POSTN: variants seen among roughly 807,000 people sequenced by gnomAD.
POSTN encodes the protein osteoblast specific factor 2 (fasciclin I-like).
POSTN carries 71 observed loss-of-function variants against 104.5 expected under a neutral mutation model. That is an observed-to-expected ratio of 0.68 (90% CI 0.56 to 0.83). The LOEUF (loss-of-function observed/expected upper bound fraction) is 0.83, where lower values mean the gene tolerates loss of function less well. Among genes scored for constraint, POSTN ranks in the 40% least tolerant of loss-of-function variants. The pLI is 0.00. For synonymous variants in POSTN, 355 were observed against 340.7 expected (o/e 1.04, Z -0.46); for missense variants, 949 against 1,006.8 (o/e 0.94, Z 0.78).
intron 4 of POSTN, among the ~76,000 whole-genome samples, chr13:37,588,585 G>A (rs1339941466): frequency 6.6e-6 from 1 of 152,100 alleles, no homozygotes; most frequent in Non-Finnish European, 1.5e-5. Context: ...TGCTTTCAGG[G>A]CTCCAATAAG....
chr13:37,587,784 T>C lies in POSTN; in HGVS notation c.606+38A>G, dbSNP rs962539761. On this transcript the variant is annotated intron_variant, in intron 5 of 22. Transcript: ENST00000379747. ...AAAGTATAGACAAAATTAAAGAAGGTATTTTTCATAAGTGTACTTTTTACT... is the reference window on the plus strand; with the variant it reads ...AAAGTATAGACAAAATTAAAGAAGGCATTTTTCATAAGTGTACTTTTTACT... The C allele has an allele frequency of 4.3e-6, 6 of 1,402,664 alleles. No homozygotes were observed. The African/African-American group carries it at 7.3e-5, about 17-fold the overall frequency. 86.9% of individuals were successfully genotyped at this position (1,402,664 alleles called of 1,614,324 possible). A position where few individuals can be genotyped will look rare whatever the true frequency, so the allele number is the denominator to read the frequency against.
intron 16 of POSTN, 115 bp from the exon 17 acceptor site, chr13:37,574,767 G>T (rs1015626901): frequency 7.6e-7 from 1 of 1,307,508 alleles, no homozygotes; most frequent in Non-Finnish European, 1.0e-6. Context: ...ACAGGATGTG[G>T]TAATATGTTC....
In POSTN at chr13:37,584,703, A is replaced by G; in HGVS notation, c.1108+13T>C. The G allele has an allele frequency of 6.2e-7, 1 of 1,604,834 alleles. No homozygotes were observed. On this transcript the variant is annotated intron_variant, in intron 8 of 22. Transcript: ENST00000379747. ...GTAAAAAAACAAAAACAAAAACAAA[A>G]AAAGTTGCTTACCAGAATCAGGAAT... is the stretch of plus-strand genomic sequence containing the variant.
In POSTN at chr13:37,584,083, C is replaced by G; in HGVS notation, c.1129G>C (p.Ala377Pro). The change falls in exon 9 of 23, where the codon GCT becomes CCT. Residue 377 changes from alanine to proline, a missense_variant. Ala to Pro is a conservative substitution (Grantham distance 27). Transcript: ENST00000379747. ...GTGAAGGTGGTTTGCTGTTTTCCAG[C>G]CAGCTCAATAACTTGTTTGGCTGAA... The part of the protein sequence containing the change: ...PDSAKQVIEL[A>P]GKQQTTFTDL... The G allele has an allele frequency of 1.2e-6, 2 of 1,613,786 alleles. No homozygotes were observed. Among genetic ancestry groups the G allele is most frequent in the South Asian group, 2.2e-5 (2 of 91,024 alleles).
chr13:37,584,679 T>TA (rs778273078), intron 8 of POSTN, 37 bp downstream of exon 8: 15 of 1,533,882 alleles, frequency 9.8e-6, no homozygotes, highest in East Asian at 4.5e-5. Context: ...TTACAGTAAG[T>TA]AAAAAAACAA....
Position 37,580,687 on chromosome 13 carries a change from A to G in POSTN, c.1403T>C (p.Ile468Thr), listed in dbSNP as rs1228948009. 6.2e-7 allele frequency: 1 copy of G among 1,614,096 alleles called. No homozygotes were observed. ...RVFVYRTAVC[I>T]ENSCMEKGSK... ...CCCTTTCTCCATGCATGAATTTTCAATGCAGACAGCCTAGGAAAGGAAAGA... is the reference window on the plus strand; with the variant it reads ...CCCTTTCTCCATGCATGAATTTTCAGTGCAGACAGCCTAGGAAAGGAAAGA... Residue 468 changes from isoleucine to threonine, a missense_variant, in exon 11 of 23, where the codon ATT becomes ACT. Physicochemically the swap from Ile to Thr is moderately conservative, Grantham distance 89. Transcript: ENST00000379747.
chr13:37,590,092 G>A (rs1950882593), intron 4 of POSTN, among the ~76,000 whole-genome samples: 1 of 151,924 alleles, frequency 6.6e-6, no homozygotes, highest in Admixed American at 6.6e-5. Flanking sequence ...CAAACAAACA[G>A]GAAAGAGGAA....
At chr13:37,571,737 G>A (rs1950267849) in intron 17 of POSTN, among the ~76,000 whole-genome samples, 2 of 151,662 alleles carry the variant, frequency 1.3e-5, no homozygotes, top group African/African-American at 2.4e-5. Context: ...TAGTTATAAA[G>A]TATGATTATG....
intron 21 of POSTN, chr13:37,565,506 T>G (rs1950071993): frequency 6.6e-6 from 1 of 152,068 alleles, no homozygotes; most frequent in African/African-American, 2.4e-5. Context: ...GCTGAAATCA[T>G]ATAAAAAGTA....
Position 37,582,417 on chromosome 13 carries a change from T to A in POSTN, c.1341A>T (p.Gln447His). Reference sequence around the variant, plus strand: ...GTTTGCCTCCGATGGTTTCCAGTATTTGCCCGTTGTAAAGCTCATTAAGGC... The same window carrying A: ...GTTTGCCTCCGATGGTTTCCAGTATATGCCCGTTGTAAAGCTCATTAAGGC... ...KVGLNELYNG[Q>H]ILETIGGKQL... The change falls in exon 10 of 23, where the codon CAA becomes CAT. Residue 447 changes from glutamine (Q) to histidine (H), a missense_variant. Gln to His is a conservative substitution (Grantham distance 24). Coordinates refer to ENST00000379747, the MANE Select transcript of POSTN (RefSeq NM_006475.3). 3 of 1,613,960 alleles carry A rather than the reference T, an allele frequency of 1.9e-6. No homozygotes were observed. Among genetic ancestry groups the A allele is most frequent in the Non-Finnish European group, 2.5e-6 (3 of 1,179,932 alleles).
At chr13:37,575,964 T>C (rs1950396344) in intron 16 of POSTN, among the ~76,000 whole-genome samples, 1 of 152,162 alleles carries the variant, frequency 6.6e-6, no homozygotes, top group African/African-American at 2.4e-5. Flanking sequence ...ACTAATTCCT[T>C]TTAGCTTACA....
At chr13:37,568,189 G>A (rs1470357395) in intron 21 of POSTN, among the ~76,000 whole-genome samples, 5 of 151,848 alleles carry the variant, frequency 3.3e-5, no homozygotes, top group East Asian at 1.9e-4. Context: ...TAGAATTCTG[G>A]GAGGAAACTT....
intron 10 of POSTN, 98 bp downstream of exon 10, chr13:37,582,267 AT>A: frequency 1.5e-6 from 2 of 1,356,812 alleles, no homozygotes; most frequent in East Asian, 2.3e-5. Context: ...AATATTTACT[AT>A]TAGAACCACA....
chr13:37,591,318 T>C (rs1173282196), intron 3 of POSTN, among the ~76,000 whole-genome samples: 1 of 152,206 alleles, frequency 6.6e-6, no homozygotes, highest in Non-Finnish European at 1.5e-5. Flanking sequence ...TCAATTTTAA[T>C]TGATTCTAAA....
At chr13:37,575,522 T>C (rs542071339) in intron 16 of POSTN, among the ~76,000 whole-genome samples, 2 of 152,256 alleles carry the variant, frequency 1.3e-5, no homozygotes, top group South Asian at 4.1e-4. Context: ...TTGGTTGTAC[T>C]GATTAACTGG....
At chr13:37,571,811 A>G (rs1950269524) in intron 17 of POSTN, among the ~76,000 whole-genome samples, 1 of 151,692 alleles carries the variant, frequency 6.6e-6, no homozygotes, top group Non-Finnish European at 1.5e-5. Flanking sequence ...TGTTTCTCTG[A>G]TAACTGGTGT....
intron 2 of POSTN, among the ~76,000 whole-genome samples, chr13:37,596,235 A>G (rs1430072102): frequency 1.3e-5 from 2 of 152,162 alleles, no homozygotes; most frequent in Non-Finnish European, 2.9e-5. Flanking sequence ...TTTGATTCTC[A>G]AGGGATCCTT....
In POSTN at chr13:37,569,828, G is replaced by A. The variant is rs184669379; in HGVS notation, c.2270-7C>T. 289 of 1,575,642 alleles carry A rather than the reference G, an allele frequency of 1.8e-4. 1 individual carries two copies. In the African/African-American group the frequency reaches 3.5e-3, roughly 19 times the overall value. On this transcript the variant is annotated splice_polypyrimidine_tract_variant and splice_region_variant and intron_variant, in intron 19 of 22. Coordinates refer to ENST00000379747, the MANE Select transcript of POSTN (RefSeq NM_006475.3). ...GTGTATTTTATTTCAGGACCTATGA[G>A]AAGGACAATGAAAAAGGTCTAAAAC...
At position 37,582,506 on chromosome 13, in the gene POSTN, G is replaced by C. The variant is rs148106282; in HGVS notation, c.1252C>G (p.Leu418Val). The C allele has an allele frequency of 4.5e-5, 71 of 1,594,196 alleles. No individual in the cohort carries two copies. The highest frequency in any genetic ancestry group is 2.0e-4 in the Admixed American group (11 of 53,902). ...TTAAGGAGGCGCTGATCCATGCTGAGAGTATCATCTGTAAATAAATTCATT... is the reference window on the plus strand; with the variant it reads ...TTAAGGAGGCGCTGATCCATGCTGACAGTATCATCTGTAAATAAATTCATT... ...PVNNAFSDDT[L>V]SMDQRLLKLI... Residue 418 changes from leucine (L) to valine (V), a missense_variant, in exon 10 of 23, where the codon CTC (leucine) becomes GTC (valine). Transcript: ENST00000379747.
Sources: gnomAD v4.1 joint callset for allele counts (sites outside exome capture counted in the v4.1 genomes callset) on GRCh38, gnomAD v4.1.1 for gene constraint, MANE v1.5 for transcripts, NCBI Gene and HGNC (gene_info 2026-07-23, HGNC 2026-07-21) for gene names.